Variants in CNOT10 observed in about 807,000 individuals in gnomAD.
CNOT10 encodes the protein CCR4-NOT transcription complex subunit 10.
Under a neutral mutation model 94.6 loss-of-function variants are expected in CNOT10, and 30 were observed. That is an observed-to-expected ratio of 0.32 (90% CI 0.24 to 0.43). The LOEUF (loss-of-function observed/expected upper bound fraction) is 0.43, where lower values mean the gene tolerates loss of function less well. Ranked by LOEUF, CNOT10 falls within the 20% of genes least tolerant of loss-of-function variation. CNOT10 has a pLI of 1.00. For synonymous variants in CNOT10, 289 were observed against 301.6 expected, an observed-to-expected ratio of 0.96 and a Z score of 0.43; for missense variants, 759 against 877.2, an observed-to-expected ratio of 0.87 and a Z score of 1.70.
At chr3:32,694,995 G>A (rs1364305503) in intron 1 of CNOT10, among the ~76,000 whole-genome samples, 3 of 152,124 alleles carry the variant, frequency 2.0e-5, no homozygotes, top group East Asian at 1.9e-4. Context: ...AAAGTGCTGG[G>A]ATTACAAGCC....
chr3:32,694,097 TG>T (rs1280712592), intron 1 of CNOT10, among the ~76,000 whole-genome samples: 2 of 150,964 alleles, frequency 1.3e-5, no homozygotes, highest in Non-Finnish European at 2.9e-5. Flanking sequence ...AATATATTGT[TG>T]GGGTTTGGTG....
chr3:32,746,244 G>A (rs1246014158), intron 13 of CNOT10, among the ~76,000 whole-genome samples: 1 of 152,134 alleles, frequency 6.6e-6, no homozygotes, highest in Non-Finnish European at 1.5e-5. Flanking sequence ...TTGGCACCAG[G>A]GACCAGGATC....
At chr3:32,712,163 GTT>G (rs112756771) in intron 4 of CNOT10, among the ~76,000 whole-genome samples, 3,180 of 141,068 alleles carry the variant, frequency 0.023, 46 homozygotes, top group East Asian at 0.048. Flanking sequence ...GTGTTTGTTT[GTT>G]TTTTTTTTTT....
chr3:32,685,702 C>G (rs1254190655), intron 1 of CNOT10, among the ~76,000 whole-genome samples: 1 of 152,196 alleles, frequency 6.6e-6, no homozygotes, highest in Non-Finnish European at 1.5e-5. Context: ...GAAGTCGCCA[C>G]TGGCCGCCTT....
intron 8 of CNOT10, among the ~76,000 whole-genome samples, chr3:32,720,839 T>C (rs371354039): frequency 1.0e-3 from 125 of 120,376 alleles, no homozygotes; most frequent in African/African-American, 1.5e-3. Context: ...CTCCCTCCCT[T>C]CCTCCCTTCC....
At chr3:32,695,968 AGT>A (rs764702440) in intron 1 of CNOT10, 50,209 of 425,262 alleles carry the variant, frequency 0.12, 1,297 homozygotes, top group East Asian at 0.13. Context: ...TGTTGAAGAG[AGT>A]GTGTGTGTGT....
chr3:32,770,710 T>C (rs188423500), intron 18 of CNOT10, among the ~76,000 whole-genome samples: 1 of 150,622 alleles, frequency 6.6e-6, no homozygotes, highest in African/African-American at 2.4e-5. Flanking sequence ...AAATTCTTTT[T>C]TTTTTTTCTT....
chr3:32,689,904 A>G lies in CNOT10; in HGVS notation c.22+4422A>G, dbSNP rs1696780845. Among the ~76,000 whole-genome samples, 4 of 152,182 alleles carry G rather than the reference A, an allele frequency of 2.6e-5. No individual in the cohort carries two copies. In the South Asian group the frequency reaches 8.3e-4, roughly 32 times the overall value. On this transcript the variant is annotated intron_variant, in intron 1 of 18. Coordinates refer to ENST00000328834, the MANE Select transcript of CNOT10 (RefSeq NM_015442.3). ...CAGGAGTTGAAGGTTGCAGTGAGCT[A>G]TAATTGTGCCACTGTACTGTAGCCT... is the stretch of plus-strand genomic sequence containing the variant.
At chr3:32,700,744 A>C (rs1697303321) in intron 1 of CNOT10, among the ~76,000 whole-genome samples, 1 of 152,222 alleles carries the variant, frequency 6.6e-6, no homozygotes, top group Non-Finnish European at 1.5e-5. Flanking sequence ...TGAGACTTTG[A>C]AATTCTTTAA....
chr3:32,695,841 A>C, intron 1 of CNOT10: 1 of 1,523,486 alleles, frequency 6.6e-7, no homozygotes, highest in East Asian at 2.4e-5. Flanking sequence ...AGAAGTCAGT[A>C]GTTATAAATA....
At chr3:32,711,448 A>C (rs1326970725) in intron 4 of CNOT10, among the ~76,000 whole-genome samples, 1 of 152,134 alleles carries the variant, frequency 6.6e-6, no homozygotes, top group African/African-American at 2.4e-5. Context: ...CAGATGCAAC[A>C]ACTTTTTTTT....
At chr3:32,719,499 G>A (rs752469137) in intron 7 of CNOT10, among the ~76,000 whole-genome samples, 15 of 152,082 alleles carry the variant, frequency 9.9e-5, no homozygotes, top group Non-Finnish European at 1.9e-4. Flanking sequence ...GCATGCTTTC[G>A]TACTCTAAAC....
chr3:32,772,926 C>T (rs1209882513), intron 18 of CNOT10, among the ~76,000 whole-genome samples: 3 of 152,122 alleles, frequency 2.0e-5, no homozygotes, highest in South Asian at 2.1e-4. Context: ...AATGTAGTGG[C>T]GTGATCTTGG....
chr3:32,720,415 A>G (rs1698316335), intron 8 of CNOT10, among the ~76,000 whole-genome samples, 184 bp downstream of exon 8: 1 of 151,822 alleles, frequency 6.6e-6, no homozygotes, highest in African/African-American at 2.4e-5. Flanking sequence ...AAACCTCATT[A>G]CTTCTTGCTT....
chr3:32,700,563 A>C (rs1180084700), intron 1 of CNOT10, among the ~76,000 whole-genome samples: 1 of 152,248 alleles, frequency 6.6e-6, no homozygotes, highest in Admixed American at 6.5e-5. Flanking sequence ...TGCCAGGTAC[A>C]TGCCAATTGC....
At chr3:32,702,280 A>T (rs1697389049) in intron 1 of CNOT10, among the ~76,000 whole-genome samples, 1 of 152,186 alleles carries the variant, frequency 6.6e-6, no homozygotes, top group African/African-American at 2.4e-5. Flanking sequence ...TCTTGAGAGA[A>T]CTATAAAAAG....
intron 13 of CNOT10, among the ~76,000 whole-genome samples, chr3:32,756,367 C>T (rs910234462): frequency 8.5e-5 from 13 of 152,118 alleles, no homozygotes; most frequent in South Asian, 2.1e-4. Flanking sequence ...TTATATTCTA[C>T]GTAATTATAG....
At chr3:32,689,698 A>G (rs1212087141) in intron 1 of CNOT10, among the ~76,000 whole-genome samples, 1 of 152,204 alleles carries the variant, frequency 6.6e-6, no homozygotes, top group Non-Finnish European at 1.5e-5. Context: ...CTGGGCATAG[A>G]TGCTCACACC....
intron 1 of CNOT10, among the ~76,000 whole-genome samples, chr3:32,693,952 T>A (rs1484596934): frequency 6.6e-6 from 1 of 152,174 alleles, no homozygotes; most frequent in Admixed American, 6.5e-5. Flanking sequence ...TTGTGGACAT[T>A]AGAGAGTACC....
Sources: gnomAD v4.1 joint callset for allele counts (sites outside exome capture counted in the v4.1 genomes callset) on GRCh38, gnomAD v4.1.1 for gene constraint, MANE v1.5 for transcripts, NCBI Gene and HGNC (gene_info 2026-07-23, HGNC 2026-07-21) for gene names.